The following APOL6 variants were observed in gnomAD, a reference collection of about 807,000 sequenced individuals.
APOL6 encodes the protein apolipoprotein L, 6.
APOL6 carries 1 observed loss-of-function variant against 2.4 expected under a neutral mutation model. The ratio of observed to expected loss-of-function variants is 0.41; its 90% confidence interval spans 0.15 to 1.94. The LOEUF (loss-of-function observed/expected upper bound fraction) is 1.94, where lower values mean the gene tolerates loss of function less well. Ranked by LOEUF, APOL6 falls within the 30% of genes most tolerant of loss-of-function variation. The probability of loss-of-function intolerance (pLI) is 0.30; values close to 1 mark genes in which losing one functional copy is unlikely to be tolerated. For synonymous variants in APOL6, 189 were observed against 169.3 expected, an observed-to-expected ratio of 1.12 and a Z score of -0.90; for missense variants, 438 against 429.2, an observed-to-expected ratio of 1.02 and a Z score of -0.18.
At position 35,659,404 on chromosome 22, in the gene APOL6, G is replaced by A. The variant is rs1924954345; in HGVS notation, c.840G>A (p.Arg280=). 1 of 1,613,944 alleles carries A rather than the reference G, an allele frequency of 6.2e-7. No homozygotes were observed. Among genetic ancestry groups the A allele is most frequent in the Non-Finnish European group, 8.5e-7 (1 of 1,180,012 alleles). ...ELRAKALELE[R]KLTELTQLYK... is the part of the protein sequence containing the mutation. Reference sequence around the variant, plus strand: ...GAGCCAAGGCCTTGGAGCTGGAGAGGAAACTCACAGAACTCACCCAGCTCT... The same window carrying A: ...GAGCCAAGGCCTTGGAGCTGGAGAGAAAACTCACAGAACTCACCCAGCTCT... The change falls in exon 3 of 3, where the codon AGG becomes AGA. Residue 280 remains arginine (R), a synonymous_variant. Transcript: ENST00000409652.
intron 2 of APOL6, 47 bp downstream of exon 2, chr22:35,656,522 AATGCTGCAGGCATCCTCACG>A: frequency 6.2e-7 from 1 of 1,605,994 alleles, no homozygotes; most frequent in Non-Finnish European, 8.5e-7. Context: ...ATTCTGTTGA[AATGCTGCAGGCATCCTCACG>A]ATAAGGAATA....
At chr22:35,658,479 C>A in intron 2 of APOL6, 136 bp from the exon 3 acceptor site, 1 of 767,278 alleles carries the variant, frequency 1.3e-6, no homozygotes, top group Non-Finnish European at 2.1e-6. Context: ...CTCTACAATG[C>A]TCTAGGACTT....
intron 1 of APOL6, among the ~76,000 whole-genome samples, chr22:35,649,091 G>T (rs1027120191): frequency 1.3e-5 from 2 of 152,190 alleles, no homozygotes; most frequent in Admixed American, 6.5e-5. Flanking sequence ...CTAGATTGTA[G>T]ATTTATGTGA....
chr22:35,649,393 G>T (rs561739895), intron 1 of APOL6, among the ~76,000 whole-genome samples: 1 of 148,810 alleles, frequency 6.7e-6, no homozygotes, highest in African/African-American at 2.5e-5. Context: ...AGCAGTGATC[G>T]CACCACTGCA....
intron 2 of APOL6, among the ~76,000 whole-genome samples, chr22:35,657,752 C>A (rs903009472): frequency 2.6e-5 from 4 of 152,186 alleles, no homozygotes; most frequent in African/African-American, 9.7e-5. Flanking sequence ...TATCACCAGG[C>A]CTCCTCGGCT....
chr22:35,659,286 C>T lies in APOL6; in HGVS notation c.722C>T (p.Ser241Phe). ...KNARVLGGVM[S>F]AFSLGYDLAT... The stretch of plus-strand genomic sequence containing the variant: ...GCTCGCGTGCTGGGAGGTGTGATGT[C>T]CGCCTTCTCCCTTGGCTATGACTTG... Residue 241 changes from serine (S) to phenylalanine (F), a missense_variant, in exon 3 of 3, where the codon TCC (serine) becomes TTC (phenylalanine). Ser to Phe is a radical substitution (Grantham distance 155). Coordinates refer to ENST00000409652, the MANE Select transcript of APOL6 (RefSeq NM_030641.4). The T allele has an allele frequency of 1.2e-6, 2 of 1,614,108 alleles. No individual in the cohort carries two copies. The highest frequency in any genetic ancestry group is 1.7e-6 in the Non-Finnish European group (2 of 1,180,008).
rs1410488415 is a variant in APOL6, at chr22:35,663,777, G to A, written c.*4181G>A. ...TTCCTTTAATGTGCAAAAATTTAAG[G>A]CTATTTAGCTGACAACTGCCTAGGG... On this transcript the variant is annotated 3_prime_UTR_variant, in exon 3 of 3. Transcript: ENST00000409652. 1 of 151,908 alleles carries A rather than the reference G, an allele frequency of 6.6e-6. No homozygotes were observed. The highest frequency in any genetic ancestry group is 1.5e-5 in the Non-Finnish European group (1 of 67,980). The allele number at this position is 151,908 out of a possible 1,614,324, so 9.4% of individuals were successfully genotyped here. A position where few individuals can be genotyped will look rare whatever the true frequency, so the allele number is the denominator to read the frequency against.
In APOL6 at chr22:35,650,904, C is replaced by T. The variant is rs554468846; in HGVS notation, c.-48+2281C>T. Among the ~76,000 whole-genome samples the T allele has an allele frequency of 2.1e-3, 317 of 150,434 alleles. 4 individuals carry two copies. The Middle Eastern group carries it at 0.027, about 13-fold the overall frequency. On this transcript the variant is annotated intron_variant, in intron 1 of 2. Coordinates refer to ENST00000409652, the MANE Select transcript of APOL6 (RefSeq NM_030641.4). ...AAGATCATGCCATTGTACTCCAGCCCGGGCAACAAGAGCAAAATTCAGTCT... is the reference window on the plus strand; with the variant it reads ...AAGATCATGCCATTGTACTCCAGCCTGGGCAACAAGAGCAAAATTCAGTCT...
Position 35,665,936 on chromosome 22 carries a change from A to T in APOL6, c.*6340A>T, listed in dbSNP as rs954172899. Reference sequence around the variant, plus strand: ...TTTCTAACCTAATTAATCCTTTAAGATCTTAGTTTCCCTAAAGTCCTAAAA... The same window carrying T: ...TTTCTAACCTAATTAATCCTTTAAGTTCTTAGTTTCCCTAAAGTCCTAAAA... On this transcript the variant is annotated 3_prime_UTR_variant, in exon 3 of 3. Coordinates refer to ENST00000409652, the MANE Select transcript of APOL6 (RefSeq NM_030641.4). 6.6e-6 allele frequency: 1 copy of T among 152,210 alleles called. No homozygotes were observed. Among genetic ancestry groups the T allele is most frequent in the African/African-American group, 2.4e-5 (1 of 41,464 alleles). 9.4% of individuals were successfully genotyped at this position (152,210 alleles called of 1,614,324 possible). A position where few individuals can be genotyped will look rare whatever the true frequency, so the allele number is the denominator to read the frequency against.
At chr22:35,657,232 C>T (rs918727193) in intron 2 of APOL6, among the ~76,000 whole-genome samples, 16 of 152,190 alleles carry the variant, frequency 1.1e-4, no homozygotes, top group Non-Finnish European at 1.8e-4. Context: ...GTGGGCTAAC[C>T]TATGGCATCT....
chr22:35,665,937 T>C lies in APOL6; in HGVS notation c.*6341T>C, dbSNP rs1206334574. 1 of 152,234 alleles carries C rather than the reference T, an allele frequency of 6.6e-6. No individual in the cohort carries two copies. The highest frequency in any genetic ancestry group is 2.4e-5 in the African/African-American group (1 of 41,468). The allele number at this position is 152,234 out of a possible 1,614,324, so 9.4% of individuals were successfully genotyped here. On this transcript the variant is annotated 3_prime_UTR_variant, in exon 3 of 3. Transcript: ENST00000409652. The stretch of plus-strand genomic sequence containing the variant: ...TTCTAACCTAATTAATCCTTTAAGA[T>C]CTTAGTTTCCCTAAAGTCCTAAAAT...
chr22:35,658,485 G>A, intron 2 of APOL6, 130 bp from the exon 3 acceptor site: 2 of 801,658 alleles, frequency 2.5e-6, no homozygotes, highest in East Asian at 2.7e-5. Context: ...AATGCTCTAG[G>A]ACTTTTCAGG....
intron 2 of APOL6, 120 bp from the exon 3 acceptor site, chr22:35,658,495 G>A (rs1924907086): frequency 4.6e-6 from 4 of 861,198 alleles, no homozygotes; most frequent in Non-Finnish European, 7.1e-6. Flanking sequence ...GACTTTTCAG[G>A]GGATTTTGTA....
Position 35,661,751 on chromosome 22 carries a change from G to A in APOL6, c.*2155G>A, listed in dbSNP as rs1925034488. The A allele has an allele frequency of 6.6e-6, 1 of 152,236 alleles. No homozygotes were observed. Among genetic ancestry groups the A allele is most frequent in the Non-Finnish European group, 1.5e-5 (1 of 68,052 alleles). 9.4% of individuals were successfully genotyped at this position (152,236 alleles called of 1,614,324 possible). On this transcript the variant is annotated 3_prime_UTR_variant, in exon 3 of 3. Transcript: ENST00000409652. Reference sequence around the variant, plus strand: ...TGAGAGTTGCTCCAGATGAGTCAGTGAGTGGTGAATGAATGTGAAGGCCTA... The same window carrying A: ...TGAGAGTTGCTCCAGATGAGTCAGTAAGTGGTGAATGAATGTGAAGGCCTA...
rs1354358745 is a variant in APOL6, at chr22:35,661,886, T to TC, written c.*2291dup. 6.6e-6 allele frequency: 1 copy of TC among 152,208 alleles called. No homozygotes were observed. Among genetic ancestry groups the TC allele is most frequent in the Admixed American group, 6.5e-5 (1 of 15,278 alleles). 9.4% of individuals were successfully genotyped at this position (152,208 alleles called of 1,614,324 possible). ...CAGTATATTAGGCAATAGGAATTTTTCAAGTCCACTATAAATCTTATCAAA... is the reference window on the plus strand; with the variant it reads ...CAGTATATTAGGCAATAGGAATTTTTCCAAGTCCACTATAAATCTTATCAAA... On this transcript the variant is annotated 3_prime_UTR_variant, in exon 3 of 3. Transcript: ENST00000409652.
In APOL6 at chr22:35,666,801, T is replaced by C. The variant is rs1925196526; in HGVS notation, c.*7205T>C. ...TTTTGCTTAAAATGTTTGCTGATCC[T>C]TTGTTTTGTGTTTCAGTCTTAAAAC... is the stretch of plus-strand genomic sequence containing the variant. On this transcript the variant is annotated 3_prime_UTR_variant, in exon 3 of 3. Coordinates refer to ENST00000409652, the MANE Select transcript of APOL6 (RefSeq NM_030641.4). The C allele has an allele frequency of 6.6e-6, 1 of 152,242 alleles. No homozygotes were observed. Among genetic ancestry groups the C allele is most frequent in the Non-Finnish European group, 1.5e-5 (1 of 68,038 alleles). 9.4% of individuals were successfully genotyped at this position (152,242 alleles called of 1,614,324 possible).
Position 35,659,696 on chromosome 22 carries a change from C to T in APOL6, c.*100C>T, listed in dbSNP as rs988742057. On this transcript the variant is annotated 3_prime_UTR_variant, in exon 3 of 3. Transcript: ENST00000409652. ...CCTGTCCTGGACAGACCTCGGCATG[C>T]CTTCTGTTTCTCCTTCAATGCTCCT... The T allele has an allele frequency of 1.4e-6, 2 of 1,437,018 alleles. No individual in the cohort carries two copies. Among genetic ancestry groups the T allele is most frequent in the Admixed American group, 2.5e-5 (1 of 39,396 alleles). The allele number at this position is 1,437,018 out of a possible 1,614,324, so 89.0% of individuals were successfully genotyped here. A position where few individuals can be genotyped will look rare whatever the true frequency, so the allele number is the denominator to read the frequency against.
At position 35,658,961 on chromosome 22, in the gene APOL6, T is replaced by G; in HGVS notation, c.397T>G (p.Ser133Ala). 6.2e-7 allele frequency: 1 copy of G among 1,613,478 alleles called. No homozygotes were observed. Among genetic ancestry groups the G allele is most frequent in the Non-Finnish European group, 8.5e-7 (1 of 1,179,958 alleles). The change falls in exon 3 of 3, where the codon TCC (serine) becomes GCC (alanine). Residue 133 changes from serine to alanine, a missense_variant. Ser to Ala is a moderately conservative substitution (Grantham distance 99, BLOSUM62 1). Transcript: ENST00000409652. ...CATCGTGAGTGGTACGTTGGAACGC[T>G]CCAAAAATAAAGAAGCCCAAGCACG... Reference protein sequence around the residue: ...TSIVSGTLERSKNKEAQARAE... With the variant: ...TSIVSGTLERAKNKEAQARAE...
chr22:35,657,626 G>A (rs1924880351), intron 2 of APOL6, among the ~76,000 whole-genome samples: 1 of 152,202 alleles, frequency 6.6e-6, no homozygotes, highest in African/African-American at 2.4e-5. Context: ...TCCTTTGGGA[G>A]TGTCCTCTTT....
Sources: gnomAD v4.1 joint callset for allele counts (sites outside exome capture counted in the v4.1 genomes callset) on GRCh38, gnomAD v4.1.1 for gene constraint, MANE v1.5 for transcripts, NCBI Gene and HGNC (gene_info 2026-07-23, HGNC 2026-07-21) for gene names.